The following CHD7 variants were observed in gnomAD, a reference collection of about 807,000 sequenced individuals.
CHD7 encodes the protein ATP-dependent chromatin remodeler CHD7.
A neutral mutation model predicts 307.3 loss-of-function variants in CHD7; 24 were observed. That is an observed-to-expected ratio of 0.08 (90% CI 0.06 to 0.11). The LOEUF (loss-of-function observed/expected upper bound fraction) is 0.11, where lower values mean the gene tolerates loss of function less well. Ranked by LOEUF, CHD7 falls within the 10% of genes least tolerant of loss-of-function variation. The pLI, the probability that CHD7 is intolerant of heterozygous loss-of-function variation, is 1.00. For missense variants in CHD7, 3,106 were observed against 3,727.1 expected, an observed-to-expected ratio of 0.83 and a Z score of 4.34; for synonymous variants, 1,363 against 1,349.9, an observed-to-expected ratio of 1.01 and a Z score of -0.21.
Position 60,685,144 on chromosome 8 carries a change from C to T in CHD7, c.-175+6062C>T, listed in dbSNP as rs577457580. ...GCTCATGAGTTCTTGTAGCATATGA[C>T]TGAGGTAGCTGATAATGGACCATGA... On this transcript the variant is annotated intron_variant, in intron 1 of 37. Coordinates refer to ENST00000423902, the MANE Select transcript of CHD7 (RefSeq NM_017780.4). 1.4e-3 allele frequency among the ~76,000 whole-genome samples: 215 copies of T among 152,284 alleles called. 1 individual carries two copies. The highest frequency in any genetic ancestry group is 4.2e-3 in the African/African-American group (175 of 41,542).
At chr8:60,749,751 T>A (rs537096709) in intron 2 of CHD7, among the ~76,000 whole-genome samples, 22 of 152,336 alleles carry the variant, frequency 1.4e-4, no homozygotes, top group Middle Eastern at 6.8e-3. Context: ...ATCACTGCTT[T>A]CTCACTTGCT....
Position 60,865,921 on chromosome 8 carries a change from A to C in CHD7, c.8982A>C (p.Glu2994Asp). The change falls in exon 38 of 38, where the codon GAA becomes GAC. Residue 2994 changes from glutamate to aspartate, a missense_variant. Coordinates refer to ENST00000423902, the MANE Select transcript of CHD7 (RefSeq NM_017780.4). The surrounding 1 kb of genome is among the most constrained non-coding windows in gnomAD (Gnocchi z 4.3). ...GGGGGGATGAAATAGAAAACAATGA[A>C]AATGATGAATAACCAGTACCAGTTC... is the stretch of plus-strand genomic sequence containing the variant. ...LDGGDEIENN[E>D]NDE 6.2e-7 allele frequency: 1 copy of C among 1,601,456 alleles called. No homozygotes were observed. The highest frequency in any genetic ancestry group is 8.5e-7 in the Non-Finnish European group (1 of 1,173,804).
chr8:60,838,374 TCCC>T (rs1804830369), intron 19 of CHD7, 119 bp downstream of exon 19: 2 of 898,096 alleles, frequency 2.2e-6, no homozygotes, highest in African/African-American at 3.4e-5. Context: ...AATCATTAAC[TCCC>T]TGTGGAACCC....
chr8:60,865,132 C>T lies in CHD7; in HGVS notation c.8193C>T (p.Ala2731=), dbSNP rs534427466. The T allele has an allele frequency of 4.2e-5, 67 of 1,611,504 alleles. No homozygotes were observed. Among genetic ancestry groups the T allele is most frequent in the Admixed American group, 2.7e-4 (16 of 59,758 alleles). ...GTGAGATCGCCAGAGCAGCCGCGGC[C>T]GCCGCTGCTGTGGCCTCCACGTCAG... ...PKSEIARAAA[A]AAAVASTSGI... Residue 2731 remains alanine (A), a synonymous_variant, in exon 38 of 38, where the codon GCC becomes GCT. Coordinates refer to ENST00000423902, the MANE Select transcript of CHD7 (RefSeq NM_017780.4). This position sits in a 1 kb window ranked among gnomAD's most constrained non-coding sequence, Gnocchi z 4.3.
intron 1 of CHD7, among the ~76,000 whole-genome samples, chr8:60,737,623 G>T (rs1041995517): frequency 6.6e-6 from 1 of 152,138 alleles, no homozygotes; most frequent in African/African-American, 2.4e-5. Context: ...CCAAACACAT[G>T]CATCTTCTGA....
intron 1 of CHD7, among the ~76,000 whole-genome samples, chr8:60,730,607 TC>T (rs1808400116): frequency 6.6e-6 from 1 of 152,206 alleles, no homozygotes; most frequent in Non-Finnish European, 1.5e-5. Flanking sequence ...ACGCCTGTAA[TC>T]CCAGTACTTT....
intron 1 of CHD7, among the ~76,000 whole-genome samples, chr8:60,739,060 GC>G (rs1468334652): frequency 6.6e-6 from 1 of 152,128 alleles, no homozygotes; most frequent in East Asian, 1.9e-4. Context: ...ATCTGACTCT[GC>G]CTCTGCCTCT....
At chr8:60,810,413 C>T (rs1267261734) in intron 7 of CHD7, among the ~76,000 whole-genome samples, 4 of 133,742 alleles carry the variant, frequency 3.0e-5, no homozygotes, top group Non-Finnish European at 6.9e-5. Context: ...GTGTGTGTAT[C>T]GAGTTACACA....
At chr8:60,792,624 T>G (rs1203351405) in intron 3 of CHD7, among the ~76,000 whole-genome samples, 1 of 152,208 alleles carries the variant, frequency 6.6e-6, no homozygotes, top group African/African-American at 2.4e-5. Context: ...AGTTCATTCT[T>G]GGGAAGGGCA....
intron 1 of CHD7, among the ~76,000 whole-genome samples, chr8:60,729,251 G>C (rs934936971): frequency 2.7e-5 from 4 of 147,686 alleles, no homozygotes; most frequent in Non-Finnish European, 6.0e-5. Flanking sequence ...CCCAGCCAAA[G>C]CACAGAGTGC....
intron 2 of CHD7, among the ~76,000 whole-genome samples, chr8:60,752,490 T>C (rs1809687629): frequency 6.6e-6 from 1 of 152,230 alleles, no homozygotes; most frequent in Admixed American, 6.5e-5. Context: ...GTTTAGGCAG[T>C]TGGGAGGTTG....
chr8:60,741,875 G>C lies in CHD7; in HGVS notation c.443G>C (p.Arg148Thr). ...GACAGCAGCTCCATGTGGGGCCCCAGGGCTGTTCAGGTACCAGACCAGATA... is the reference window on the plus strand; with the variant it reads ...GACAGCAGCTCCATGTGGGGCCCCACGGCTGTTCAGGTACCAGACCAGATA... Reference protein sequence around the residue: ...FVDSSSMWGPRAVQVPDQIRA... With the variant: ...FVDSSSMWGPTAVQVPDQIRA... The change falls in exon 2 of 38, where the codon AGG becomes ACG. Residue 148 changes from arginine (R) to threonine (T), a missense_variant. Arg to Thr is a moderately conservative substitution (Grantham distance 71). Around this residue, in one of 10 missense-constraint regions of CHD7, gnomAD observed 998 missense variants for 1,004.5 expected, o/e 0.99. Coordinates refer to ENST00000423902, the MANE Select transcript of CHD7 (RefSeq NM_017780.4). 1 of 1,613,726 alleles carries C rather than the reference G, an allele frequency of 6.2e-7. No homozygotes were observed. The highest frequency in any genetic ancestry group is 8.5e-7 in the Non-Finnish European group (1 of 1,179,790).
intron 17 of CHD7, 116 bp from the exon 18 acceptor site, chr8:60,837,552 A>G (rs1804795022): frequency 6.8e-6 from 6 of 883,242 alleles, no homozygotes; most frequent in Middle Eastern, 3.4e-4. Context: ...TTACTTCCCT[A>G]AGGCGCCACC....
chr8:60,701,782 G>A (rs1806772897), intron 1 of CHD7, among the ~76,000 whole-genome samples: 1 of 152,230 alleles, frequency 6.6e-6, no homozygotes, highest in South Asian at 2.1e-4. Flanking sequence ...TAACCTTCCT[G>A]GAGATCTTGA....
chr8:60,776,122 T>A (rs1236948074), intron 2 of CHD7, among the ~76,000 whole-genome samples: 3 of 152,194 alleles, frequency 2.0e-5, no homozygotes, highest in Non-Finnish European at 4.4e-5. Context: ...CATTTGAATA[T>A]CCTTAACTTG....
At chr8:60,770,625 G>A (rs1342430190) in intron 2 of CHD7, among the ~76,000 whole-genome samples, 1 of 152,134 alleles carries the variant, frequency 6.6e-6, no homozygotes, top group Non-Finnish European at 1.5e-5. Flanking sequence ...TAACACAGCT[G>A]CTTAGATATT....
chr8:60,863,889 C>T (rs886981446), intron 37 of CHD7: 1 of 150,206 alleles, frequency 6.7e-6, no homozygotes, highest in African/African-American at 2.5e-5. Flanking sequence ...CACACATCAC[C>T]AAGCTTGGCT....
At chr8:60,809,293 G>T (rs556524937) in intron 7 of CHD7, among the ~76,000 whole-genome samples, 2 of 152,288 alleles carry the variant, frequency 1.3e-5, no homozygotes, top group South Asian at 2.1e-4. Flanking sequence ...TTTTAAAAAT[G>T]CTCGGAAAAT....
intron 7 of CHD7, chr8:60,809,499 A>C (rs1196069824): frequency 1.3e-5 from 2 of 152,100 alleles, no homozygotes; most frequent in Non-Finnish European, 2.9e-5. Flanking sequence ...TGGCACTACC[A>C]GAGAGACCTC....
Sources: allele counts gnomAD v4.1 joint callset (sites outside exome capture counted in the v4.1 genomes callset), GRCh38; gene constraint gnomAD v4.1.1; regional missense constraint gnomAD v4.1.1; non-coding constraint Gnocchi (gnomAD v3.1); transcripts MANE v1.5; gene names NCBI Gene and HGNC (gene_info 2026-07-23, HGNC 2026-07-21).